Variants in ZNF396 observed in about 807,000 individuals in gnomAD.
The protein encoded by ZNF396 is zinc finger and SCAN domain-containing protein 14.
A neutral mutation model predicts 20.5 loss-of-function variants in ZNF396; 14 were observed. That is an observed-to-expected ratio of 0.68 (90% CI 0.45 to 1.07). The LOEUF (loss-of-function observed/expected upper bound fraction) is 1.07. Ranked by LOEUF, ZNF396 falls within the 50% of genes least tolerant of loss-of-function variation. The probability of loss-of-function intolerance (pLI) is 0.00; values close to 1 mark genes in which losing one functional copy is unlikely to be tolerated. For synonymous variants in ZNF396, 119 were observed against 140.6 expected, an observed-to-expected ratio of 0.85 and a Z score of 1.08; for missense variants, 347 against 390.1, an observed-to-expected ratio of 0.89 and a Z score of 0.93.
chr18:35,373,873 T>C lies in ZNF396; in HGVS notation c.417+3A>G. On this transcript the variant is annotated splice_donor_region_variant and intron_variant, in intron 2 of 3. Coordinates refer to ENST00000589332, the MANE Select transcript of ZNF396 (RefSeq NM_001322286.2). The stretch of plus-strand genomic sequence containing the variant: ...GGTTCATCTCCACAGGCATCCTTCT[T>C]ACCTGCTTTGGTCCATCAAGCTCTC... 6.2e-7 allele frequency: 1 copy of C among 1,608,050 alleles called. No individual in the cohort carries two copies. Among genetic ancestry groups the C allele is most frequent in the Non-Finnish European group, 8.5e-7 (1 of 1,176,086 alleles).
chr18:35,376,616 A>T (rs1160365473), intron 1 of ZNF396, among the ~76,000 whole-genome samples: 1 of 152,108 alleles, frequency 6.6e-6, no homozygotes, highest in African/African-American at 2.4e-5. Context: ...GGGCCAGAAG[A>T]GTCTGGGGAA....
rs137905934 is a variant in ZNF396, at chr18:35,376,237, C to G, written c.-73+1041G>C. The G allele has an allele frequency of 4.9e-3, 746 of 152,202 alleles. 5 individuals are homozygous for G. The highest frequency in any genetic ancestry group is 5.6e-3 in the Admixed American group (86 of 15,292). The allele number at this position is 152,202 out of a possible 1,614,324, so 9.4% of individuals were successfully genotyped here. A position where few individuals can be genotyped will look rare whatever the true frequency, so the allele number is the denominator to read the frequency against. ...AGCCTGTGAGTTCATAAAGTTGTTA[C>G]CAAATAAATGATACAACTTTACACA... On this transcript the variant is annotated intron_variant, in intron 1 of 3. Transcript: ENST00000589332.
In ZNF396 at chr18:35,374,164, G is replaced by T. The variant is rs1266466534; in HGVS notation, c.129C>A (p.Ser43Arg). Reference protein sequence around the residue: ...TCDPDSSLHWSSSYSPETFRQ... With the variant: ...TCDPDSSLHWRSSYSPETFRQ... ...GGAAGGTCTCTGGGCTGTAGCTGCT[G>T]CTCCAGTGGAGGCTAGAGTCTGGAT... The change falls in exon 2 of 4, where the codon AGC (serine) becomes AGA (arginine). Residue 43 changes from serine to arginine, a missense_variant. Physicochemically the swap from Ser to Arg is moderately radical, Grantham distance 110. Coordinates refer to ENST00000589332, the MANE Select transcript of ZNF396 (RefSeq NM_001322286.2). This position sits in a 1 kb window ranked among gnomAD's most constrained non-coding sequence, Gnocchi z 4.3. 4 of 1,614,102 alleles carry T rather than the reference G, an allele frequency of 2.5e-6. No homozygotes were observed. Among genetic ancestry groups the T allele is most frequent in the Non-Finnish European group, 2.5e-6 (3 of 1,180,054 alleles).
intron 3 of ZNF396, among the ~76,000 whole-genome samples, chr18:35,370,400 A>T (rs1425428978): frequency 6.6e-6 from 1 of 151,876 alleles, no homozygotes; most frequent in Non-Finnish European, 1.5e-5. Flanking sequence ...CTTATGACTC[A>T]GGGTGCCTAA....
rs2045108982 is a variant in ZNF396, at chr18:35,367,221, C to A, written c.*1994G>T. Reference sequence around the variant, plus strand: ...CACAACTCAATATAAAATTCATATTCACTAGAGCTACAAATCATAATCACT... The same window carrying A: ...CACAACTCAATATAAAATTCATATTAACTAGAGCTACAAATCATAATCACT... On this transcript the variant is annotated 3_prime_UTR_variant, in exon 4 of 4. Coordinates refer to ENST00000589332, the MANE Select transcript of ZNF396 (RefSeq NM_001322286.2). 6.6e-6 allele frequency: 1 copy of A among 152,154 alleles called. No individual in the cohort carries two copies. The highest frequency in any genetic ancestry group is 6.5e-5 in the Admixed American group (1 of 15,270). 9.4% of individuals were successfully genotyped at this position (152,154 alleles called of 1,614,324 possible).
chr18:35,369,763 G>C lies in ZNF396; in HGVS notation c.563-103C>G, dbSNP rs2045148262. 5 of 1,206,990 alleles carry C rather than the reference G, an allele frequency of 4.1e-6. No homozygotes were observed. In the African/African-American group the frequency reaches 7.6e-5, roughly 18 times the overall value. The allele number at this position is 1,206,990 out of a possible 1,614,324, so 74.8% of individuals were successfully genotyped here. A position where few individuals can be genotyped will look rare whatever the true frequency, so the allele number is the denominator to read the frequency against. On this transcript the variant is annotated intron_variant, in intron 3 of 3. Transcript: ENST00000589332. ...TTTATAAAACAACACACAATGTGAAGGACGGAGAGTGTAAGACAAAATATT... is the reference window on the plus strand; with the variant it reads ...TTTATAAAACAACACACAATGTGAACGACGGAGAGTGTAAGACAAAATATT...
In ZNF396 at chr18:35,373,611, G is replaced by A; in HGVS notation, c.418-11C>T. The A allele has an allele frequency of 6.2e-7, 1 of 1,613,224 alleles. No homozygotes were observed. The highest frequency in any genetic ancestry group is 8.5e-7 in the Non-Finnish European group (1 of 1,179,582). On this transcript the variant is annotated splice_polypyrimidine_tract_variant and intron_variant, in intron 2 of 3. Coordinates refer to ENST00000589332, the MANE Select transcript of ZNF396 (RefSeq NM_001322286.2). Reference sequence around the variant, plus strand: ...TCGTCCAAAAAAGATCTAAAAACAGGAATAATTGAGGCTGAAGAACACCAT... The same window carrying A: ...TCGTCCAAAAAAGATCTAAAAACAGAAATAATTGAGGCTGAAGAACACCAT...
rs1027203955 is a variant in ZNF396, at chr18:35,374,420, G to A, written c.-72-56C>T. On this transcript the variant is annotated intron_variant, in intron 1 of 3. Coordinates refer to ENST00000589332, the MANE Select transcript of ZNF396 (RefSeq NM_001322286.2). This position sits in a 1 kb window ranked among gnomAD's most constrained non-coding sequence, Gnocchi z 4.3. Reference sequence around the variant, plus strand: ...GAAGACAAAAGACAAATGCTTCTTAGAACAAAACAACTAAGATTAGAAACA... The same window carrying A: ...GAAGACAAAAGACAAATGCTTCTTAAAACAAAACAACTAAGATTAGAAACA... The A allele has an allele frequency of 4.8e-5, 42 of 872,944 alleles. No individual in the cohort carries two copies. The highest frequency in any genetic ancestry group is 6.6e-5 in the Non-Finnish European group (38 of 579,580). The allele number at this position is 872,944 out of a possible 1,614,324, so 54.1% of individuals were successfully genotyped here.
chr18:35,369,594 A>T lies in ZNF396; in HGVS notation c.629T>A (p.Leu210Gln). ...SRQKTSLGIELHCNVSNILHM... is the reference protein window; with the variant it reads ...SRQKTSLGIEQHCNVSNILHM... ...AAGGATATTGGAAACATTGCAATGC[A>T]GTTCTATGCCTAAAGAAGTCTTTTG... Residue 210 changes from leucine (L) to glutamine (Q), a missense_variant, in exon 4 of 4, where the codon CTG becomes CAG. Physicochemically the swap from Leu to Gln is moderately radical, Grantham distance 113. Transcript: ENST00000589332. The T allele has an allele frequency of 6.2e-7, 1 of 1,614,060 alleles. No individual in the cohort carries two copies. The highest frequency in any genetic ancestry group is 8.5e-7 in the Non-Finnish European group (1 of 1,179,996).
rs752828779 is a variant in ZNF396, at chr18:35,374,280, A to G, written c.13T>C (p.Leu5=). The G allele has an allele frequency of 1.9e-6, 3 of 1,613,422 alleles. No homozygotes were observed. Among genetic ancestry groups the G allele is most frequent in the Non-Finnish European group, 2.5e-6 (3 of 1,179,804 alleles). MSAK[L]GKSSSLLTQT... is the part of the protein sequence containing the mutation. ...GTTAGGAGTGATGATGACTTTCCCAATTTTGCAGACATTTTGACAGACAAA... is the reference window on the plus strand; with the variant it reads ...GTTAGGAGTGATGATGACTTTCCCAGTTTTGCAGACATTTTGACAGACAAA... The change falls in exon 2 of 4, where the codon TTG becomes CTG. Residue 5 remains leucine, a synonymous_variant. Coordinates refer to ENST00000589332, the MANE Select transcript of ZNF396 (RefSeq NM_001322286.2). This position sits in a 1 kb window ranked among gnomAD's most constrained non-coding sequence, Gnocchi z 4.3.
chr18:35,368,421 G>T lies in ZNF396; in HGVS notation c.*794C>A. ...GAAGTACATATTCTTTTGGGCCTCTGCAATCGCATGTTCATATTTTGAATC... is the reference window on the plus strand; with the variant it reads ...GAAGTACATATTCTTTTGGGCCTCTTCAATCGCATGTTCATATTTTGAATC... On this transcript the variant is annotated 3_prime_UTR_variant, in exon 4 of 4. Coordinates refer to ENST00000589332, the MANE Select transcript of ZNF396 (RefSeq NM_001322286.2). 1 of 1,426,292 alleles carries T rather than the reference G, an allele frequency of 7.0e-7. No individual in the cohort carries two copies. Among genetic ancestry groups the T allele is most frequent in the Admixed American group, 2.3e-5 (1 of 44,234 alleles). 88.4% of individuals were successfully genotyped at this position (1,426,292 alleles called of 1,614,324 possible).
At chr18:35,369,942 G>T (rs1301414916) in intron 3 of ZNF396, among the ~76,000 whole-genome samples, 1 of 152,148 alleles carries the variant, frequency 6.6e-6, no homozygotes, top group Admixed American at 6.5e-5. Context: ...GAAAGAAAGG[G>T]CTTAGAAAGA....
At chr18:35,376,204 C>T (rs1345972330) in intron 1 of ZNF396, 1 of 152,112 alleles carries the variant, frequency 6.6e-6, no homozygotes, top group Admixed American at 6.5e-5. Flanking sequence ...GTTCTAGGCC[C>T]TGTATAAAGC....
intron 3 of ZNF396, among the ~76,000 whole-genome samples, chr18:35,370,543 C>G (rs1246973401): frequency 1.8e-5 from 2 of 110,898 alleles, no homozygotes; most frequent in South Asian, 3.1e-4. Flanking sequence ...GACGGAGTCT[C>G]GCTCTGTCGC....
In ZNF396 at chr18:35,369,565, T is replaced by C; in HGVS notation, c.658A>G (p.Met220Val). The C allele has an allele frequency of 6.2e-7, 1 of 1,614,130 alleles. No homozygotes were observed. Among genetic ancestry groups the C allele is most frequent in the Non-Finnish European group, 8.5e-7 (1 of 1,179,964 alleles). Residue 220 changes from methionine (M) to valine (V), a missense_variant, in exon 4 of 4, where the codon ATG becomes GTG. By Grantham distance (21) the Met-to-Val change is conservative. Coordinates refer to ENST00000589332, the MANE Select transcript of ZNF396 (RefSeq NM_001322286.2). The stretch of plus-strand genomic sequence containing the variant: ...TATGTGGAACTCTGGGAGCCATTCA[T>C]ATGAAGGATATTGGAAACATTGCAA... ...LHCNVSNILH[M>V]NGSQSSTYRG...
chr18:35,369,739 T>G, intron 3 of ZNF396, 79 bp from the exon 4 acceptor site: 2 of 1,369,080 alleles, frequency 1.5e-6, no homozygotes, highest in South Asian at 2.8e-5. Context: ...GCTAGCATGT[T>G]TATAAAACAA....
chr18:35,376,984 G>A (rs905587477), intron 1 of ZNF396, among the ~76,000 whole-genome samples: 1 of 152,090 alleles, frequency 6.6e-6, no homozygotes, highest in African/African-American at 2.4e-5. Context: ...CGCGCCGCGC[G>A]CCTCCCAGGC....
intron 1 of ZNF396, among the ~76,000 whole-genome samples, chr18:35,375,019 A>G (rs1262310263): frequency 1.3e-5 from 2 of 152,194 alleles, no homozygotes; most frequent in East Asian, 1.9e-4. Flanking sequence ...CAAAGAGCCA[A>G]TCGGTATTTA....
rs1437001263 is a variant in ZNF396 at position 35,369,314 on chromosome 18, A to T, written c.909T>A (p.Gly303=). The T allele has an allele frequency of 5.0e-6, 8 of 1,614,174 alleles. No individual in the cohort carries two copies. Among genetic ancestry groups the T allele is most frequent in the Non-Finnish European group, 6.8e-6 (8 of 1,180,034 alleles). ...AGTCATGACACTTGTAGGGCTTCTCACCAGTATGGGTTCGTCGATGCTGAA... is the reference window on the plus strand; with the variant it reads ...AGTCATGACACTTGTAGGGCTTCTCTCCAGTATGGGTTCGTCGATGCTGAA... ...ILIQHRRTHT[G]EKPYKCHDCG... The change falls in exon 4 of 4, where the codon GGT becomes GGA. Residue 303 remains glycine, a synonymous_variant. Transcript: ENST00000589332.
Sources: gnomAD v4.1 joint callset for allele counts (sites outside exome capture counted in the v4.1 genomes callset) on GRCh38, gnomAD v4.1.1 for gene constraint, Gnocchi (gnomAD v3.1) non-coding constraint, MANE v1.5 for transcripts, NCBI Gene and HGNC (gene_info 2026-07-23, HGNC 2026-07-21) for gene names.